VRK2: variants seen among roughly 807,000 people sequenced by gnomAD.
The protein encoded by VRK2 is VRK serine/threonine kinase 2.
VRK2 carries 60 observed loss-of-function variants against 57.6 expected under a neutral mutation model. The ratio of observed to expected loss-of-function variants is 1.04; its 90% CI spans 0.85 to 1.29. The LOEUF (loss-of-function observed/expected upper bound fraction) is 1.29, where lower values mean the gene tolerates loss of function less well. VRK2 is among the 50% of genes most tolerant of loss of function. The probability of loss-of-function intolerance (pLI) is 0.00; values close to 1 mark genes in which losing one functional copy is unlikely to be tolerated. For missense variants in VRK2, 705 were observed against 588.1 expected (o/e 1.20, Z -2.06); for synonymous variants, 231 against 199.2 (o/e 1.16, Z -1.35).
intron 1 of VRK2, among the ~76,000 whole-genome samples, chr2:57,927,642 T>C (rs1035148772): frequency 6.6e-6 from 1 of 152,210 alleles, no homozygotes; most frequent in Non-Finnish European, 1.5e-5. Flanking sequence ...TTTTACACCT[T>C]CAGATGATTT....
intron 1 of VRK2, among the ~76,000 whole-genome samples, chr2:57,923,041 A>C (rs1670406760): frequency 6.6e-6 from 1 of 152,014 alleles, no homozygotes; most frequent in African/African-American, 2.4e-5. Context: ...GTTGTTGCAA[A>C]TGACAGGATC....
intron 1 of VRK2, among the ~76,000 whole-genome samples, chr2:57,978,424 A>G (rs1020918481): frequency 6.6e-6 from 1 of 151,120 alleles, no homozygotes; most frequent in African/African-American, 2.5e-5. Flanking sequence ...CTAAGCCTTG[A>G]TAACAGAAGA....
chr2:58,134,199 A>T (rs1679631595), intron 9 of VRK2, among the ~76,000 whole-genome samples: 1 of 151,916 alleles, frequency 6.6e-6, no homozygotes, highest in African/African-American at 2.4e-5. Context: ...AGAAACTAGA[A>T]CCCCTGTACC....
chr2:57,926,726 T>C lies in VRK2; in HGVS notation c.-439+18887T>C, dbSNP rs374082964. On this transcript the variant is annotated intron_variant, in intron 1 of 15. Coordinates refer to the VRK2 transcript ENST00000417641. ...CTTTTCCATCCCTTTTTTTAGTCTT[T>C]TTTTCATCTTTTTTTTTCAGTCTTT... 3.4e-4 allele frequency among the ~76,000 whole-genome samples: 52 copies of C among 152,016 alleles called. 1 individual carries two copies. The South Asian group carries it at 0.01, about 30-fold the overall frequency.
chr2:58,112,274 T>C (rs1675681160), intron 7 of VRK2, among the ~76,000 whole-genome samples: 1 of 152,178 alleles, frequency 6.6e-6, no homozygotes, highest in Non-Finnish European at 1.5e-5. Flanking sequence ...AGGCTGGATG[T>C]GTTTGTCTAG....
intron 1 of VRK2, among the ~76,000 whole-genome samples, chr2:57,911,119 G>A (rs563573796): frequency 1.2e-4 from 18 of 151,216 alleles, no homozygotes; most frequent in Admixed American, 6.6e-4. Context: ...TTTCCTCATC[G>A]GCAAAATATG....
rs1201527327 is a variant in VRK2 at position 58,086,355 on chromosome 2, A to C, written c.273A>C (p.Glu91Asp). 1 of 1,605,770 alleles carries C rather than the reference A, an allele frequency of 6.2e-7. No homozygotes were observed. Among genetic ancestry groups the C allele is most frequent in the Admixed American group, 1.7e-5 (1 of 57,856 alleles). ...AKKDCIKKWIERKQLDYLGIP... is the reference protein window; with the variant it reads ...AKKDCIKKWIDRKQLDYLGIP... The stretch of plus-strand genomic sequence containing the variant: ...TCTTTGTAGTCAAAAAGTGGATAGA[A>C]CGCAAACAACTTGATTATTTAGGAA... The change falls in exon 5 of 13, where the codon GAA (glutamate) becomes GAC (aspartate). Residue 91 changes from glutamate to aspartate, a missense_variant. Coordinates refer to ENST00000340157, the MANE Select transcript of VRK2 (RefSeq NM_006296.7).
chr2:58,017,753 T>A (rs915711718), intron 1 of VRK2, among the ~76,000 whole-genome samples: 1 of 152,202 alleles, frequency 6.6e-6, no homozygotes, highest in African/African-American at 2.4e-5. Context: ...TGTGATTAAA[T>A]ATGGAATAAA....
chr2:58,153,901 G>C (rs946764661), intron 12 of VRK2, among the ~76,000 whole-genome samples: 1 of 152,012 alleles, frequency 6.6e-6, no homozygotes, highest in African/African-American at 2.4e-5. Flanking sequence ...TATTTCAAGA[G>C]TAGGCAAACT....
chr2:58,139,563 G>A (rs1681026728), intron 10 of VRK2, 103 bp from the exon 11 acceptor site: 21 of 992,262 alleles, frequency 2.1e-5, no homozygotes, highest in Non-Finnish European at 3.1e-5. Flanking sequence ...TTCAGGAGAT[G>A]TAAATGTGTA....
chr2:57,996,599 C>T (rs1672930335), intron 1 of VRK2, among the ~76,000 whole-genome samples: 1 of 152,172 alleles, frequency 6.6e-6, no homozygotes, highest in Non-Finnish European at 1.5e-5. Context: ...TTGGATACAA[C>T]TGTATTCACA....
At chr2:58,001,718 A>G (rs146593980) in intron 1 of VRK2, among the ~76,000 whole-genome samples, 3,745 of 152,164 alleles carry the variant, frequency 0.025, 151 homozygotes, top group African/African-American at 0.086. Context: ...GCTACTTGGG[A>G]GGCTGAGGCA....
chr2:58,157,638 C>G (rs889568490), intron 12 of VRK2, among the ~76,000 whole-genome samples: 3 of 152,132 alleles, frequency 2.0e-5, no homozygotes, highest in African/African-American at 7.2e-5. Context: ...AATACAGAAT[C>G]TCAGGTCATA....
chr2:58,150,855 T>G (rs1307876613), intron 12 of VRK2, among the ~76,000 whole-genome samples: 2 of 151,682 alleles, frequency 1.3e-5, no homozygotes, highest in Non-Finnish European at 3.0e-5. Context: ...TCAATGTATT[T>G]TCTAATGTCC....
rs150518282 is a variant in VRK2 at position 58,011,422 on chromosome 2, C to T, written c.-438-14243C>T. Among the ~76,000 whole-genome samples, 1,301 of 152,282 alleles carry T rather than the reference C, an allele frequency of 8.5e-3. 8 individuals carry two copies. The highest frequency in any genetic ancestry group is 0.013 in the Non-Finnish European group (868 of 68,012). ...ATTTATGGTTGCTTCAACTGCCAGTCGGAAAGCTTCTATCCAAGGCTGTCA... is the reference window on the plus strand; with the variant it reads ...ATTTATGGTTGCTTCAACTGCCAGTTGGAAAGCTTCTATCCAAGGCTGTCA... On this transcript the variant is annotated intron_variant, in intron 1 of 15. Coordinates refer to the VRK2 transcript ENST00000417641.
chr2:57,983,652 CT>C (rs1475015836), intron 1 of VRK2, among the ~76,000 whole-genome samples: 1 of 152,144 alleles, frequency 6.6e-6, no homozygotes, highest in Non-Finnish European at 1.5e-5. Flanking sequence ...GAAAAGTTTA[CT>C]GTCAATAAGA....
chr2:57,923,250 G>C (rs1231522213), intron 1 of VRK2, among the ~76,000 whole-genome samples: 1 of 151,986 alleles, frequency 6.6e-6, no homozygotes, highest in Non-Finnish European at 1.5e-5. Context: ...CTGTGAGATT[G>C]CTGGATCATA....
At chr2:57,962,085 C>G (rs1671779311) in intron 1 of VRK2, among the ~76,000 whole-genome samples, 1 of 152,064 alleles carries the variant, frequency 6.6e-6, no homozygotes, top group South Asian at 2.1e-4. Context: ...CTAAAACAAA[C>G]AAACAAACAA....
chr2:57,923,785 C>T (rs1000307481), intron 1 of VRK2, among the ~76,000 whole-genome samples: 1 of 151,806 alleles, frequency 6.6e-6, no homozygotes, highest in Non-Finnish European at 1.5e-5. Context: ...GTGGATATTA[C>T]TCAAGAAATT....
Sources: gnomAD v4.1 joint callset for allele counts (sites outside exome capture counted in the v4.1 genomes callset) on GRCh38, gnomAD v4.1.1 for gene constraint, MANE v1.5 for transcripts, NCBI Gene and HGNC (gene_info 2026-07-23, HGNC 2026-07-21) for gene names.